Variants in MEGF8 observed in about 807,000 individuals in gnomAD.
MEGF8 encodes the protein multiple EGF like domains 8.
MEGF8 carries 156 observed loss-of-function variants against 302.9 expected under a neutral mutation model. That is an observed-to-expected ratio of 0.52 (90% CI 0.45 to 0.59). MEGF8 has a LOEUF of 0.59. Among genes scored for constraint, MEGF8 ranks in the 20% least tolerant of loss-of-function variants. The probability of loss-of-function intolerance (pLI) is 0.00; values close to 1 mark genes in which losing one functional copy is unlikely to be tolerated. For synonymous variants in MEGF8, 1,621 were observed against 1,660.5 expected (o/e 0.98, Z 0.58); for missense variants, 3,345 against 3,964.5 (o/e 0.84, Z 4.20).
At position 42,336,873 on chromosome 19, in the gene MEGF8, G is replaced by C; in HGVS notation, c.1311G>C (p.Lys437Asn). 6.2e-7 allele frequency: 1 copy of C among 1,612,930 alleles called. No homozygotes were observed. ...HVDRHVWTTL[K>N]GRDGLQGPRE... The stretch of plus-strand genomic sequence containing the variant: ...ATCGGCATGTGTGGACGACGCTGAA[G>C]GGGCGGGATGGGCTTCAGGGCCCAA... The change falls in exon 7 of 42, where the codon AAG (lysine) becomes AAC (asparagine). Residue 437 changes from lysine (K) to asparagine (N), a missense_variant. By Grantham distance (94) the Lys-to-Asn change is moderately conservative. Coordinates refer to ENST00000251268, the MANE Select transcript of MEGF8 (RefSeq NM_001271938.2). This position sits in a 1 kb window ranked among gnomAD's most constrained non-coding sequence, Gnocchi z 4.8.
rs371459258 is a variant in MEGF8 at position 42,376,015 on chromosome 19, G to A, written c.7778G>A (p.Arg2593Gln). ...GCAGTGCTGGTGGTCCGCGGCGTGCGGGACCGGCTGGTCATCACCTACCCA... is the reference window on the plus strand; with the variant it reads ...GCAGTGCTGGTGGTCCGCGGCGTGCAGGACCGGCTGGTCATCACCTACCCA... ...PSAVLVVRGV[R>Q]DRLVITYPHE... The change falls in exon 42 of 42, where the codon CGG (arginine) becomes CAG (glutamine). Residue 2593 changes from arginine (R) to glutamine (Q), a missense_variant. Physicochemically the swap from Arg to Gln is conservative, Grantham distance 43. Transcript: ENST00000251268. The surrounding 1 kb of genome is among the most constrained non-coding windows in gnomAD (Gnocchi z 8.2). The A allele has an allele frequency of 1.6e-5, 26 of 1,604,924 alleles. No individual in the cohort carries two copies. Among genetic ancestry groups the A allele is most frequent in the Middle Eastern group, 1.6e-4 (1 of 6,062 alleles).
Position 42,351,335 on chromosome 19 carries a change from G to A in MEGF8, c.2855+1G>A. ...AGGAGTGTCCCCCGCTCTGCAGCCA[G>A]TGAGTCAGGCTGGGTGCAGGGAGTG... On this transcript the variant is annotated splice_donor_variant, in intron 16 of 41. Coordinates refer to ENST00000251268, the MANE Select transcript of MEGF8 (RefSeq NM_001271938.2). LOFTEE classifies it high-confidence loss of function. This position sits in a 1 kb window ranked among gnomAD's most constrained non-coding sequence, Gnocchi z 5.6. The A allele has an allele frequency of 6.4e-7, 1 of 1,568,194 alleles. No homozygotes were observed. The highest frequency in any genetic ancestry group is 8.6e-7 in the Non-Finnish European group (1 of 1,156,106).
In MEGF8 at chr19:42,352,318, G is replaced by T; in HGVS notation, c.3212G>T (p.Arg1071Leu). 6.3e-7 allele frequency: 1 copy of T among 1,579,820 alleles called. No homozygotes were observed. Among genetic ancestry groups the T allele is most frequent in the Non-Finnish European group, 8.6e-7 (1 of 1,163,644 alleles). Residue 1071 changes from arginine (R) to leucine (L), a missense_variant, in exon 19 of 42, where the codon CGC becomes CTC. Coordinates refer to ENST00000251268, the MANE Select transcript of MEGF8 (RefSeq NM_001271938.2). This position sits in a 1 kb window ranked among gnomAD's most constrained non-coding sequence, Gnocchi z 4.4. ...VALPARWAYA[R>L]CPDVDECRLG... Reference sequence around the variant, plus strand: ...CTCCCTGCCCGCTGGGCATACGCCCGCTGTCCTGACGTGGATGAGTGTCGC... The same window carrying T: ...CTCCCTGCCCGCTGGGCATACGCCCTCTGTCCTGACGTGGATGAGTGTCGC...
chr19:42,366,699 A>G (rs759610178), intron 35 of MEGF8, among the ~76,000 whole-genome samples: 28 of 152,160 alleles, frequency 1.8e-4, no homozygotes, highest in Non-Finnish European at 3.7e-4. Flanking sequence ...CTCAGAACTT[A>G]TGTTCATACA....
At chr19:42,343,343 G>T in intron 8 of MEGF8, 134 bp from the exon 9 acceptor site, 1 of 925,678 alleles carries the variant, frequency 1.1e-6, no homozygotes, top group Non-Finnish European at 1.6e-6. Context: ...GGCTGGGAGA[G>T]TGTCCTTGGG....
At position 42,360,793 on chromosome 19, in the gene MEGF8, C is replaced by A; in HGVS notation, c.5507C>A (p.Pro1836His). Residue 1836 changes from proline (P) to histidine (H), a missense_variant, in exon 32 of 42, where the codon CCC (proline) becomes CAC (histidine). Transcript: ENST00000251268. ...PDLTRSASVG[P>H]PMEESVAHAV... The stretch of plus-strand genomic sequence containing the variant: ...TCCTCAGGCTCGGCCTCTGTGGGGC[C>A]CCCAATGGAGGAGTCTGTGGCCCAT... 6.3e-7 allele frequency: 1 copy of A among 1,594,884 alleles called. No homozygotes were observed.
intron 8 of MEGF8, 76 bp downstream of exon 8, chr19:42,337,282 C>T (rs967900612): frequency 1.3e-6 from 2 of 1,597,026 alleles, no homozygotes; most frequent in African/African-American, 2.7e-5. Flanking sequence ...GCTCAAGCCA[C>T]CTCAGTCCGT....
chr19:42,362,071 C>T lies in MEGF8; in HGVS notation c.5721-19C>T, dbSNP rs2039539471. 1 of 1,610,496 alleles carries T rather than the reference C, an allele frequency of 6.2e-7. No homozygotes were observed. The highest frequency in any genetic ancestry group is 8.5e-7 in the Non-Finnish European group (1 of 1,178,766). ...GGGGTCTGGATGGGTGTGAGTGAGC[C>T]AGGCCTCATGTCCTTTAGGCTGGGC... On this transcript the variant is annotated intron_variant, in intron 32 of 41. Transcript: ENST00000251268.
At chr19:42,342,744 A>T (rs1408825947) in intron 8 of MEGF8, among the ~76,000 whole-genome samples, 1 of 151,906 alleles carries the variant, frequency 6.6e-6, no homozygotes, top group Non-Finnish European at 1.5e-5. Context: ...GCCATTTCTC[A>T]CTCAATTTTT....
chr19:42,340,855 T>A (rs1044595415), intron 8 of MEGF8, among the ~76,000 whole-genome samples: 1 of 151,416 alleles, frequency 6.6e-6, no homozygotes, highest in Non-Finnish European at 1.5e-5. Flanking sequence ...TTTGGTAGAG[T>A]TGAAGTTTTG....
rs1479249926 is a variant in MEGF8, at chr19:42,354,370, T to C, written c.4012-218T>C. ...AGGAGCTGCATGTTGAGAAAGGGGC[T>C]CAATGCAAGAGTGCCTGATAGATGA... On this transcript the variant is annotated intron_variant, in intron 22 of 41. Coordinates refer to ENST00000251268, the MANE Select transcript of MEGF8 (RefSeq NM_001271938.2). This position sits in a 1 kb window ranked among gnomAD's most constrained non-coding sequence, Gnocchi z 4.3. 2.0e-5 allele frequency among the ~76,000 whole-genome samples: 3 copies of C among 152,044 alleles called. No homozygotes were observed. Among genetic ancestry groups the C allele is most frequent in the Non-Finnish European group, 4.4e-5 (3 of 68,012 alleles).
At chr19:42,328,966 G>A (rs2039021058) in intron 1 of MEGF8, among the ~76,000 whole-genome samples, 1 of 152,174 alleles carries the variant, frequency 6.6e-6, no homozygotes, top group South Asian at 2.1e-4. Flanking sequence ...AAGTGGAGGG[G>A]TGGGGTGGAT....
At chr19:42,355,324 A>G (rs1035592828) in intron 23 of MEGF8, among the ~76,000 whole-genome samples, 4 of 152,096 alleles carry the variant, frequency 2.6e-5, no homozygotes, top group African/African-American at 9.7e-5. Context: ...TTCCTGTCAC[A>G]CCTACCCCCA....
rs778320987 is a variant in MEGF8 at position 42,353,482 on chromosome 19, C to G, written c.3568C>G (p.His1190Asp). Reference protein sequence around the residue: ...DECQDWTWGEHCERCRPGSFG... With the variant: ...DECQDWTWGEDCERCRPGSFG... Reference sequence around the variant, plus strand: ...CTCCACAGACTGGACATGGGGGGAGCACTGCGAACGATGCCGGCCCGGCAG... The same window carrying G: ...CTCCACAGACTGGACATGGGGGGAGGACTGCGAACGATGCCGGCCCGGCAG... Residue 1190 changes from histidine (H) to aspartate (D), a missense_variant, in exon 21 of 42, where the codon CAC becomes GAC. By Grantham distance (81) the His-to-Asp change is moderately conservative. Transcript: ENST00000251268. The surrounding 1 kb of genome is among the most constrained non-coding windows in gnomAD (Gnocchi z 6.1). The G allele has an allele frequency of 4.3e-6, 7 of 1,610,618 alleles. No individual in the cohort carries two copies. Among genetic ancestry groups the G allele is most frequent in the Non-Finnish European group, 5.9e-6 (7 of 1,179,390 alleles).
At position 42,356,557 on chromosome 19, in the gene MEGF8, A is replaced by G; in HGVS notation, c.4622+104A>G. ...TGCAGAAAAGCCTCTAAGGTAAAGG[A>G]CAGCCCAAAGGATGCTGGGACACTT... On this transcript the variant is annotated intron_variant, in intron 26 of 41. Transcript: ENST00000251268. This position sits in a 1 kb window ranked among gnomAD's most constrained non-coding sequence, Gnocchi z 5.2. 1 of 1,045,442 alleles carries G rather than the reference A, an allele frequency of 9.6e-7. No individual in the cohort carries two copies. The highest frequency in any genetic ancestry group is 1.4e-6 in the Non-Finnish European group (1 of 737,126). The allele number at this position is 1,045,442 out of a possible 1,614,324, so 64.8% of individuals were successfully genotyped here. A position where few individuals can be genotyped will look rare whatever the true frequency, so the allele number is the denominator to read the frequency against.
In MEGF8 at chr19:42,375,021, A is replaced by C. The variant is rs2039745511; in HGVS notation, c.7270-486A>C. 1.3e-5 allele frequency among the ~76,000 whole-genome samples: 2 copies of C among 152,112 alleles called. No individual in the cohort carries two copies. The highest frequency in any genetic ancestry group is 4.8e-5 in the African/African-American group (2 of 41,418). On this transcript the variant is annotated intron_variant, in intron 41 of 41. Transcript: ENST00000251268. The surrounding 1 kb of genome is among the most constrained non-coding windows in gnomAD (Gnocchi z 7.1). ...GAGGGCGCCTGGCACAGTATAGAAG[A>C]AGCATCCAGGCAGGCAGGCGAGGCT...
Position 42,356,854 on chromosome 19 carries a change from T to C in MEGF8, c.4703T>C (p.Phe1568Ser), listed in dbSNP as rs376812395. The change falls in exon 27 of 42, where the codon TTC (phenylalanine) becomes TCC (serine). Residue 1568 changes from phenylalanine to serine, a missense_variant. Coordinates refer to ENST00000251268, the MANE Select transcript of MEGF8 (RefSeq NM_001271938.2). This position sits in a 1 kb window ranked among gnomAD's most constrained non-coding sequence, Gnocchi z 5.2. ...DGGPGPSPRS[F>S]HAAAYVPAGR... Reference sequence around the variant, plus strand: ...GGCCCAGGCCCATCGCCCCGCTCCTTCCATGCAGCCGCATATGTGCCCGCT... The same window carrying C: ...GGCCCAGGCCCATCGCCCCGCTCCTCCCATGCAGCCGCATATGTGCCCGCT... 2.2e-5 allele frequency: 35 copies of C among 1,581,678 alleles called. No homozygotes were observed. Among genetic ancestry groups the C allele is most frequent in the Non-Finnish European group, 2.5e-5 (29 of 1,164,564 alleles).
In MEGF8 at chr19:42,326,063, A is replaced by G; in HGVS notation, c.-181A>G. On this transcript the variant is annotated 5_prime_UTR_variant, in exon 1 of 42. Coordinates refer to ENST00000251268, the MANE Select transcript of MEGF8 (RefSeq NM_001271938.2). ...CTATAGGGCTCAGCCCTCGGCTTCCAGAGCCTGTCAGCAGTGGCCGTACCC... is the reference window on the plus strand; with the variant it reads ...CTATAGGGCTCAGCCCTCGGCTTCCGGAGCCTGTCAGCAGTGGCCGTACCC... The G allele has an allele frequency of 9.6e-7, 1 of 1,042,592 alleles. No homozygotes were observed. The highest frequency in any genetic ancestry group is 1.3e-6 in the Non-Finnish European group (1 of 776,694). 64.6% of individuals were successfully genotyped at this position (1,042,592 alleles called of 1,614,324 possible). A position where few individuals can be genotyped will look rare whatever the true frequency, so the allele number is the denominator to read the frequency against.
At chr19:42,363,712 G>C (rs1428451333) in intron 35 of MEGF8, among the ~76,000 whole-genome samples, 1 of 151,870 alleles carries the variant, frequency 6.6e-6, no homozygotes, top group Non-Finnish European at 1.5e-5. Context: ...TGGAACTTTT[G>C]GTTATAAGAA....
Sources: gnomAD v4.1 joint callset for allele counts (sites outside exome capture counted in the v4.1 genomes callset) on GRCh38, gnomAD v4.1.1 for gene constraint, Gnocchi (gnomAD v3.1) non-coding constraint, MANE v1.5 for transcripts, NCBI Gene and HGNC (gene_info 2026-07-23, HGNC 2026-07-21) for gene names.